Variants in PLB1 observed in about 807,000 individuals in gnomAD.
PLB1 encodes the protein phospholipase B1, also known as phospholipase B1, membrane-associated.
PLB1 carries 242 observed loss-of-function variants against 227.4 expected under a neutral mutation model. The ratio of observed to expected loss-of-function variants is 1.06; its 90% CI spans 0.96 to 1.18. The LOEUF (loss-of-function observed/expected upper bound fraction) is 1.18. Ranked by LOEUF, PLB1 falls within the 50% of genes most tolerant of loss-of-function variation. The pLI, the probability that PLB1 is intolerant of heterozygous loss-of-function variation, is 0.00. For missense variants in PLB1, 1,858 were observed against 1,816.3 expected (o/e 1.02, Z -0.42); for synonymous variants, 757 against 682.2 (o/e 1.11, Z -1.71).
At chr2:28,594,106 TC>T in intron 33 of PLB1, 1 of 578,722 alleles carries the variant, frequency 1.7e-6, no homozygotes, top group Non-Finnish European at 3.4e-6. Context: ...TTCCTACGTC[TC>T]TGTTTACTGT....
intron 20 of PLB1, among the ~76,000 whole-genome samples, chr2:28,572,658 A>T (rs1165182552): frequency 1.3e-5 from 2 of 152,104 alleles, no homozygotes. Flanking sequence ...CACAAAAGGT[A>T]TGTTGGGGTA....
chr2:28,622,703 C>G (rs1054917946), intron 49 of PLB1, among the ~76,000 whole-genome samples: 1 of 152,140 alleles, frequency 6.6e-6, no homozygotes, highest in Admixed American at 6.5e-5. Flanking sequence ...GCTTGGCCAA[C>G]ATGGTGAAAC....
chr2:28,530,751 G>A (rs529533988), intron 8 of PLB1, among the ~76,000 whole-genome samples: 2 of 152,362 alleles, frequency 1.3e-5, no homozygotes, highest in South Asian at 4.1e-4. Flanking sequence ...GGAAGCTGCT[G>A]TTTCAGCCAG....
intron 56 of PLB1, among the ~76,000 whole-genome samples, chr2:28,636,057 G>GTATGTA (rs1440174922): frequency 2.7e-5 from 3 of 109,244 alleles, no homozygotes; most frequent in South Asian, 6.4e-4. Flanking sequence ...ATGTGTATGT[G>GTATGTA]TGTATGTATG....
At chr2:28,524,844 C>CTTT (rs779955635) in intron 4 of PLB1, among the ~76,000 whole-genome samples, 1,857 of 106,548 alleles carry the variant, frequency 0.017, 60 homozygotes, top group Middle Eastern at 0.033. Context: ...CTCTCTCTCT[C>CTTT]TTTTTTTTTT....
intron 9 of PLB1, among the ~76,000 whole-genome samples, chr2:28,537,869 A>G (rs538008859): frequency 1.3e-5 from 2 of 152,232 alleles, no homozygotes; most frequent in East Asian, 3.9e-4. Context: ...CTAATAAAAT[A>G]GGATCACATG....
intron 52 of PLB1, among the ~76,000 whole-genome samples, 179 bp from the exon 53 acceptor site, chr2:28,628,915 C>T (rs1688198468): frequency 6.6e-6 from 1 of 152,198 alleles, no homozygotes; most frequent in African/African-American, 2.4e-5. Flanking sequence ...AGTTTCTCAA[C>T]CTATAAAGCG....
chr2:28,603,569 G>A (rs1684222059), intron 39 of PLB1, among the ~76,000 whole-genome samples: 1 of 152,232 alleles, frequency 6.6e-6, no homozygotes, highest in African/African-American at 2.4e-5. Flanking sequence ...GAAAGAAGGA[G>A]AGGTCTAAGG....
intron 9 of PLB1, among the ~76,000 whole-genome samples, chr2:28,533,766 C>T (rs184476389): frequency 2.0e-5 from 3 of 152,286 alleles, no homozygotes; most frequent in African/African-American, 4.8e-5. Context: ...TTTCCATATA[C>T]TTCATCTTGT....
intron 2 of PLB1, among the ~76,000 whole-genome samples, chr2:28,517,402 T>C (rs550553040): frequency 3.3e-5 from 5 of 152,150 alleles, no homozygotes; most frequent in Non-Finnish European, 5.9e-5. Context: ...CCTTCCATGG[T>C]ATTCACAAAA....
intron 23 of PLB1, 72 bp downstream of exon 23, chr2:28,579,779 C>T: frequency 7.6e-7 from 1 of 1,312,814 alleles, no homozygotes; most frequent in South Asian, 1.2e-5. Context: ...ACTTGCTCTG[C>T]CCGGGAGGAG....
In PLB1 at chr2:28,566,792, A is replaced by G. The variant is rs1676995279; in HGVS notation, c.1281-4A>G. The G allele has an allele frequency of 6.2e-7, 1 of 1,614,024 alleles. No homozygotes were observed. Among genetic ancestry groups the G allele is most frequent in the Non-Finnish European group, 8.5e-7 (1 of 1,179,984 alleles). Reference sequence around the variant, plus strand: ...TCATTTTCTTTCTTGGACCCACGTTACAGCGTCGGCGGAGATGAGAACATC... The same window carrying G: ...TCATTTTCTTTCTTGGACCCACGTTGCAGCGTCGGCGGAGATGAGAACATC... On this transcript the variant is annotated splice_region_variant and splice_polypyrimidine_tract_variant and intron_variant, in intron 19 of 57. Transcript: ENST00000327757.
intron 26 of PLB1, among the ~76,000 whole-genome samples, chr2:28,588,999 G>A (rs374461195): frequency 0.023 from 3,558 of 151,614 alleles, 156 homozygotes; most frequent in African/African-American, 0.083. Flanking sequence ...CCCCGTCTCT[G>A]CTAAAAATAC....
intron 17 of PLB1, among the ~76,000 whole-genome samples, chr2:28,556,821 T>C (rs1675209285): frequency 6.6e-6 from 1 of 152,226 alleles, no homozygotes; most frequent in Non-Finnish European, 1.5e-5. Context: ...ACCAATAGTA[T>C]AAACCAGAAC....
intron 37 of PLB1, 144 bp from the exon 38 acceptor site, chr2:28,601,755 T>G: frequency 1.4e-6 from 1 of 725,630 alleles, no homozygotes; most frequent in Non-Finnish European, 2.4e-6. Context: ...TCATCTCAGA[T>G]TTTGACATGG....
At chr2:28,511,449 A>C (rs1429210021) in intron 1 of PLB1, among the ~76,000 whole-genome samples, 1 of 152,192 alleles carries the variant, frequency 6.6e-6, no homozygotes, top group Non-Finnish European at 1.5e-5. Context: ...AGGTTTACCT[A>C]CATATTTATT....
At chr2:28,543,354 G>A in intron 14 of PLB1, 86 bp downstream of exon 14, 5 of 1,400,604 alleles carry the variant, frequency 3.6e-6, no homozygotes, top group Non-Finnish European at 3.9e-6. Context: ...AGGAGGGGCT[G>A]CAGGGCGCCC....
chr2:28,642,931 T>C lies in PLB1; in HGVS notation c.4247T>C (p.Leu1416Pro), dbSNP rs1225876931. ...CAGGCTGAAGAAGCCCCCGAGGTGC[T>C]CTACTGGGCTGTCCCAGTGGCAGCG... is the stretch of plus-strand genomic sequence containing the variant. ...PDQAEEAPEVLYWAVPVAAGV... is the reference protein window; with the variant it reads ...PDQAEEAPEVPYWAVPVAAGV... Residue 1416 changes from leucine to proline, a missense_variant, in exon 58 of 58, where the codon CTC (leucine) becomes CCC (proline). Physicochemically the swap from Leu to Pro is moderately conservative, Grantham distance 98. Transcript: ENST00000327757. The C allele has an allele frequency of 6.2e-7, 1 of 1,608,962 alleles. No homozygotes were observed. The highest frequency in any genetic ancestry group is 8.5e-7 in the Non-Finnish European group (1 of 1,177,876).
chr2:28,591,593 T>A (rs113057936), intron 30 of PLB1, 107 bp from the exon 31 acceptor site: 93,231 of 1,183,284 alleles, frequency 0.079, 4,110 homozygotes, highest in South Asian at 0.086. Context: ...TCCCTAGGAG[T>A]AGGACCCAGG....
Sources: gnomAD v4.1 joint callset for allele counts (sites outside exome capture counted in the v4.1 genomes callset) on GRCh38, gnomAD v4.1.1 for gene constraint, MANE v1.5 for transcripts, NCBI Gene and HGNC (gene_info 2026-07-23, HGNC 2026-07-21) for gene names.